Variants in QRICH1 observed in about 807,000 individuals in gnomAD.
QRICH1 encodes the protein transcriptional regulator QRICH1.
Under a neutral mutation model 87.1 loss-of-function variants are expected in QRICH1, and 16 were observed. The ratio of observed to expected loss-of-function variants is 0.18; its 90% CI spans 0.12 to 0.28. QRICH1 has a LOEUF of 0.28. Among genes scored for constraint, QRICH1 ranks in the 10% least tolerant of loss-of-function variants. The pLI is 1.00. For missense variants in QRICH1, 647 were observed against 951.7 expected, an observed-to-expected ratio of 0.68 and a Z score of 4.21; for synonymous variants, 367 against 368.4, an observed-to-expected ratio of 1.00 and a Z score of 0.05.
chr3:49,047,479 GTTTTTTTT>G (rs397724825), intron 3 of QRICH1, among the ~76,000 whole-genome samples: 12 of 109,058 alleles, frequency 1.1e-4, no homozygotes, highest in Middle Eastern at 4.6e-3. Flanking sequence ...ACTTTTAAAT[GTTTTTTTT>G]TTTTTTTTTT....
intron 2 of QRICH1, among the ~76,000 whole-genome samples, chr3:49,068,267 G>A (rs2093479416): frequency 6.6e-6 from 1 of 151,928 alleles, no homozygotes; most frequent in Non-Finnish European, 1.5e-5. Context: ...TGAAATGGCA[G>A]GATCAATTGC....
intron 3 of QRICH1, among the ~76,000 whole-genome samples, chr3:49,051,450 T>C (rs1445692664): frequency 6.6e-6 from 1 of 152,022 alleles, no homozygotes; most frequent in African/African-American, 2.4e-5. Context: ...TTGTCAACCA[T>C]AGAGCTCCTC....
intron 3 of QRICH1, among the ~76,000 whole-genome samples, chr3:49,054,491 A>C: frequency 7.6e-6 from 1 of 131,028 alleles, no homozygotes; most frequent in Non-Finnish European, 1.6e-5. Context: ...ACCCCTCAAT[A>C]CTAACTCCAT....
At chr3:49,091,854 C>G (rs1399300508) in intron 1 of QRICH1, among the ~76,000 whole-genome samples, 1 of 152,046 alleles carries the variant, frequency 6.6e-6, no homozygotes, top group Non-Finnish European at 1.5e-5. Flanking sequence ...GGGTGGATCA[C>G]GAGGTCAGGA....
chr3:49,032,166 T>G lies in QRICH1; in HGVS notation c.2138+17A>C, dbSNP rs1292450131. ...CACATGCGCACACATGGACAGCAAG[T>G]CACAATAAAGCCTCACCATTTGAAG... On this transcript the variant is annotated intron_variant, in intron 9 of 9. Transcript: ENST00000395443. The G allele has an allele frequency of 1.3e-6, 2 of 1,585,516 alleles. No homozygotes were observed. Among genetic ancestry groups the G allele is most frequent in the Non-Finnish European group, 1.7e-6 (2 of 1,154,166 alleles).
At chr3:49,034,908 G>A (rs959324366) in intron 6 of QRICH1, among the ~76,000 whole-genome samples, 1 of 152,192 alleles carries the variant, frequency 6.6e-6, no homozygotes, top group African/African-American at 2.4e-5. Context: ...AGCACAGTGT[G>A]TGACACTTCC....
At chr3:49,040,372 C>A (rs1344603692) in intron 6 of QRICH1, among the ~76,000 whole-genome samples, 2 of 152,122 alleles carry the variant, frequency 1.3e-5, no homozygotes, top group Non-Finnish European at 2.9e-5. Context: ...CTTAGGGAGG[C>A]AGAGGTGGGA....
At chr3:49,032,510 T>C (rs1298526303) in intron 8 of QRICH1, 112 bp downstream of exon 8, 1 of 1,375,502 alleles carries the variant, frequency 7.3e-7, no homozygotes, top group Non-Finnish European at 9.9e-7. Context: ...AGTGGAGAAT[T>C]TTATCCAGCA....
chr3:49,046,646 T>C (rs547326298), intron 4 of QRICH1, 67 bp from the exon 5 acceptor site: 19 of 1,537,100 alleles, frequency 1.2e-5, no homozygotes, highest in Admixed American at 2.0e-5. Flanking sequence ...TCAGAACAGA[T>C]ACTGCCCATC....
At chr3:49,075,435 A>G (rs1455918722) in intron 2 of QRICH1, among the ~76,000 whole-genome samples, 1 of 152,074 alleles carries the variant, frequency 6.6e-6, no homozygotes, top group Non-Finnish European at 1.5e-5. Flanking sequence ...GTTCGAGACC[A>G]GCCTGGCCAA....
intron 1 of QRICH1, among the ~76,000 whole-genome samples, chr3:49,085,416 C>G (rs371130200): frequency 6.6e-6 from 1 of 151,806 alleles, no homozygotes; most frequent in African/African-American, 2.4e-5. Flanking sequence ...GTAACAGACA[C>G]GTAATTCTGG....
chr3:49,064,291 G>A (rs540145664), intron 2 of QRICH1, among the ~76,000 whole-genome samples: 1 of 141,414 alleles, frequency 7.1e-6, no homozygotes, highest in Non-Finnish European at 1.5e-5. Context: ...CGCCCAGGCT[G>A]GAGTGCAGTG....
At position 49,076,684 on chromosome 3, in the gene QRICH1, C is replaced by CTGCA. The variant is rs768299884; in HGVS notation, c.309+21_309+24dup. Reference sequence around the variant, plus strand: ...CAACAAATAAAGTACATTAAACAGGCTGCACCTCAGCATTTCCCATATACC... The same window carrying CTGCA: ...CAACAAATAAAGTACATTAAACAGGCTGCATGCACCTCAGCATTTCCCATATACC... On this transcript the variant is annotated intron_variant, in intron 2 of 9. Transcript: ENST00000395443. 2.7e-6 allele frequency: 4 copies of CTGCA among 1,502,572 alleles called. No homozygotes were observed. In the Admixed American group the frequency reaches 8.3e-5, roughly 31 times the overall value. 93.1% of individuals were successfully genotyped at this position (1,502,572 alleles called of 1,614,324 possible).
chr3:49,061,829 C>A (rs1205774751), intron 2 of QRICH1, among the ~76,000 whole-genome samples: 2 of 151,908 alleles, frequency 1.3e-5, no homozygotes, highest in Non-Finnish European at 2.9e-5. Flanking sequence ...ACAGCATGGG[C>A]AACAAGAGTG....
chr3:49,054,964 C>G (rs1208987957), intron 3 of QRICH1, among the ~76,000 whole-genome samples: 1 of 152,144 alleles, frequency 6.6e-6, no homozygotes, highest in Non-Finnish European at 1.5e-5. Flanking sequence ...ACTTCTTAAC[C>G]TAGAATTTCT....
intron 1 of QRICH1, chr3:49,083,519 G>A (rs961863121): frequency 3.9e-5 from 6 of 152,092 alleles, no homozygotes; most frequent in African/African-American, 1.4e-4. Flanking sequence ...GCACCACAGT[G>A]AGATCCCATC....
At chr3:49,035,910 A>AC (rs2093271961) in intron 6 of QRICH1, among the ~76,000 whole-genome samples, 1 of 62,040 alleles carries the variant, frequency 1.6e-5, no homozygotes. Context: ...CCCCATTTCT[A>AC]CAAAAAAAAA....
chr3:49,038,618 A>AT (rs1485943745), intron 6 of QRICH1, among the ~76,000 whole-genome samples: 1 of 151,716 alleles, frequency 6.6e-6, no homozygotes, highest in Non-Finnish European at 1.5e-5. Flanking sequence ...GGGTTTCACC[A>AT]TAATTGGCCA....
At chr3:49,047,383 A>C in intron 3 of QRICH1, 137 bp from the exon 4 acceptor site, 3 of 876,548 alleles carry the variant, frequency 3.4e-6, no homozygotes, top group South Asian at 4.3e-5. Flanking sequence ...TACTTTTAAG[A>C]AGCTTTGGAG....
Sources: allele counts gnomAD v4.1 joint callset (sites outside exome capture counted in the v4.1 genomes callset), GRCh38; gene constraint gnomAD v4.1.1; transcripts MANE v1.5; gene names NCBI Gene and HGNC (gene_info 2026-07-23, HGNC 2026-07-21).